The following CADM2 variants were observed in gnomAD, a reference collection of about 807,000 sequenced individuals.
The protein encoded by CADM2 is immunoglobulin superfamily member 4D.
In CADM2, 12 loss-of-function variants were observed where a neutral mutation model predicts 49.8. The ratio of observed to expected loss-of-function variants is 0.24; its 90% CI spans 0.15 to 0.39. The LOEUF is 0.39. Ranked by LOEUF, CADM2 falls within the 10% of genes least tolerant of loss-of-function variation. The probability of loss-of-function intolerance (pLI) is 1.00; values close to 1 mark genes in which losing one functional copy is unlikely to be tolerated. For missense variants in CADM2, 378 were observed against 492.3 expected, an observed-to-expected ratio of 0.77 and a Z score of 2.20; for synonymous variants, 214 against 175.4, an observed-to-expected ratio of 1.22 and a Z score of -1.74.
chr3:85,942,073 T>C (rs904744987), intron 7 of CADM2, among the ~76,000 whole-genome samples: 9 of 152,116 alleles, frequency 5.9e-5, no homozygotes, highest in Non-Finnish European at 8.8e-5. Context: ...GTTTCCCTTT[T>C]GTATTAACAA....
chr3:85,435,438 C>T (rs2036881125), intron 1 of CADM2, among the ~76,000 whole-genome samples: 4 of 152,090 alleles, frequency 2.6e-5, no homozygotes, highest in African/African-American at 9.7e-5. Flanking sequence ...TGGGTTGGTT[C>T]CAAGTCTTTT....
intron 1 of CADM2, among the ~76,000 whole-genome samples, chr3:85,528,542 T>G (rs1050137749): frequency 6.6e-6 from 1 of 152,200 alleles, no homozygotes; most frequent in African/African-American, 2.4e-5. Flanking sequence ...CTTTTCAGTC[T>G]TCATTATGGC....
intron 3 of CADM2, among the ~76,000 whole-genome samples, chr3:85,876,915 C>T (rs551506996): frequency 1.3e-5 from 2 of 152,172 alleles, no homozygotes; most frequent in Admixed American, 6.5e-5. Flanking sequence ...TTGTCTTAGG[C>T]ATTTTTATTT....
At chr3:85,473,728 C>G (rs1040084041) in intron 1 of CADM2, among the ~76,000 whole-genome samples, 4 of 151,890 alleles carry the variant, frequency 2.6e-5, no homozygotes, top group Non-Finnish European at 5.9e-5. Flanking sequence ...TAATTTATAC[C>G]GATTTTTATA....
intron 1 of CADM2, among the ~76,000 whole-genome samples, chr3:85,582,395 G>A (rs1576861197): frequency 6.6e-6 from 1 of 151,810 alleles, no homozygotes; most frequent in South Asian, 2.1e-4. Flanking sequence ...TCATTGATCT[G>A]CTTGTTAAAC....
At chr3:85,101,324 A>G (rs112328203) in intron 1 of CADM2, among the ~76,000 whole-genome samples, 1 of 152,098 alleles carries the variant, frequency 6.6e-6, no homozygotes, top group Non-Finnish European at 1.5e-5. Flanking sequence ...TTAGCATTCT[A>G]TTGCCATGCA....
At chr3:85,975,755 C>A (rs945029737) in intron 8 of CADM2, among the ~76,000 whole-genome samples, 9 of 151,552 alleles carry the variant, frequency 5.9e-5, no homozygotes, top group South Asian at 2.1e-4. Flanking sequence ...AAGGAACACA[C>A]AAAAAAATGA....
intron 8 of CADM2, among the ~76,000 whole-genome samples, chr3:86,009,092 AGTGT>A (rs3042197): frequency 1.4e-5 from 2 of 145,368 alleles, no homozygotes; most frequent in Non-Finnish European, 3.0e-5. Context: ...TTGGTGTTAT[AGTGT>A]GTGTGTGTGT....
chr3:85,816,380 C>T (rs1439887936), intron 3 of CADM2, among the ~76,000 whole-genome samples: 1 of 152,056 alleles, frequency 6.6e-6, no homozygotes, highest in Non-Finnish European at 1.5e-5. Context: ...ATAGGTGCCT[C>T]TACTGTGCTT....
chr3:85,419,912 C>T (rs997765390), intron 1 of CADM2, among the ~76,000 whole-genome samples: 2 of 152,080 alleles, frequency 1.3e-5, no homozygotes, highest in African/African-American at 4.8e-5. Flanking sequence ...CATTCTGATT[C>T]CGTAGGTCAG....
intron 2 of CADM2, among the ~76,000 whole-genome samples, chr3:85,766,722 G>C (rs2069673543): frequency 6.6e-6 from 1 of 152,120 alleles, no homozygotes; most frequent in South Asian, 2.1e-4. Flanking sequence ...ATGTTGATGA[G>C]TCCCATTGTC....
chr3:85,585,463 T>C (rs776301341), intron 1 of CADM2, among the ~76,000 whole-genome samples: 17 of 151,954 alleles, frequency 1.1e-4, no homozygotes, highest in Non-Finnish European at 1.8e-4. Context: ...ATGGCTCTTC[T>C]ATTCATGAAA....
chr3:85,218,877 A>T (rs930837942), intron 1 of CADM2, among the ~76,000 whole-genome samples: 1 of 152,210 alleles, frequency 6.6e-6, no homozygotes, highest in Non-Finnish European at 1.5e-5. Context: ...ATTACTAATA[A>T]CACAGGACTA....
At chr3:85,325,112 C>T (rs914691861) in intron 1 of CADM2, among the ~76,000 whole-genome samples, 4 of 152,200 alleles carry the variant, frequency 2.6e-5, no homozygotes, top group African/African-American at 9.6e-5. Context: ...ATAGTATGAG[C>T]TGTAAAGCAC....
intron 1 of CADM2, among the ~76,000 whole-genome samples, chr3:85,532,689 A>G (rs2061341890): frequency 3.3e-5 from 5 of 152,204 alleles, no homozygotes; most frequent in Admixed American, 2.6e-4. Flanking sequence ...AAATCGTTCT[A>G]TTATAAAGAT....
At chr3:85,315,999 T>C (rs746342464) in intron 1 of CADM2, among the ~76,000 whole-genome samples, 3 of 152,166 alleles carry the variant, frequency 2.0e-5, no homozygotes, top group Non-Finnish European at 2.9e-5. Context: ...CATTGTCTTC[T>C]AACTGTATTC....
At chr3:85,542,744 T>G (rs576725493) in intron 1 of CADM2, among the ~76,000 whole-genome samples, 25 of 152,316 alleles carry the variant, frequency 1.6e-4, no homozygotes, top group African/African-American at 5.8e-4. Flanking sequence ...TTATTTCTAA[T>G]AAAGAATGGT....
chr3:85,477,701 T>A (rs1268753540), intron 1 of CADM2, among the ~76,000 whole-genome samples: 1 of 151,890 alleles, frequency 6.6e-6, no homozygotes, highest in Non-Finnish European at 1.5e-5. Context: ...CTTTTAATGA[T>A]CTTGTTTGCA....
intron 1 of CADM2, among the ~76,000 whole-genome samples, chr3:85,276,595 A>C (rs747545147): frequency 6.6e-6 from 1 of 151,310 alleles, no homozygotes; most frequent in African/African-American, 2.4e-5. Flanking sequence ...TTTGAACTGA[A>C]CTAAAAATCA....
Sources: gnomAD v4.1 joint callset for allele counts (sites outside exome capture counted in the v4.1 genomes callset) on GRCh38, gnomAD v4.1.1 for gene constraint, MANE v1.5 for transcripts, NCBI Gene and HGNC (gene_info 2026-07-23, HGNC 2026-07-21) for gene names.